Variants in FRS2 observed in about 807,000 individuals in gnomAD.
FRS2 encodes the protein fibroblast growth factor receptor substrate 2, also known as FGFR signalling adaptor.
FRS2 carries 8 observed loss-of-function variants against 43.9 expected under a neutral mutation model. The observed-to-expected ratio is 0.18, with a 90% CI of 0.11 to 0.33. The LOEUF is 0.33. Among genes scored for constraint, FRS2 ranks in the 10% least tolerant of loss-of-function variants. FRS2 has a pLI of 1.00. For missense variants in FRS2, 534 were observed against 627.6 expected (o/e 0.85, Z 1.59); for synonymous variants, 219 against 220.3 (o/e 0.99, Z 0.05).
At chr12:69,552,329 CAT>C (rs1160985467) in intron 3 of FRS2, among the ~76,000 whole-genome samples, 1 of 101,790 alleles carries the variant, frequency 9.8e-6, no homozygotes, top group African/African-American at 3.5e-5. Context: ...AAAAAAAAAT[CAT>C]GTCTCAGCTT....
chr12:69,513,949 T>G lies in FRS2; in HGVS notation c.-260-16916T>G, dbSNP rs114129556. ...TCACTTTCTAAATTAAGAAAATAATTATCTATAATTTATAAAAATAAAATT... is the reference window on the plus strand; with the variant it reads ...TCACTTTCTAAATTAAGAAAATAATGATCTATAATTTATAAAAATAAAATT... On this transcript the variant is annotated intron_variant, in intron 1 of 8. Transcript: ENST00000549921. 5.8e-3 allele frequency among the ~76,000 whole-genome samples: 876 copies of G among 152,276 alleles called. 9 individuals are homozygous for G. Among genetic ancestry groups the G allele is most frequent in the African/African-American group, 0.019 (794 of 41,562 alleles).
At chr12:69,539,703 A>G (rs1247453859) in intron 3 of FRS2, among the ~76,000 whole-genome samples, 1 of 152,044 alleles carries the variant, frequency 6.6e-6, no homozygotes, top group Non-Finnish European at 1.5e-5. Flanking sequence ...GAAATAGACA[A>G]GATCCACTTT....
intron 3 of FRS2, among the ~76,000 whole-genome samples, chr12:69,543,775 A>G (rs1312539021): frequency 6.6e-6 from 1 of 152,188 alleles, no homozygotes; most frequent in Non-Finnish European, 1.5e-5. Context: ...TGAGATAGGA[A>G]CATAATTAGT....
At chr12:69,538,574 A>AGTGTGTGTGGGGGTGGT (rs143194172) in intron 3 of FRS2, among the ~76,000 whole-genome samples, 1,780 of 151,226 alleles carry the variant, frequency 0.012, 55 homozygotes, top group African/African-American at 0.04. Context: ...TAAGGTAAGG[A>AGTGTGTGTGGGGGTGGT]GTGTGTGTGG....
At chr12:69,566,553 G>A (rs1224097632) in intron 4 of FRS2, among the ~76,000 whole-genome samples, 1 of 151,960 alleles carries the variant, frequency 6.6e-6, no homozygotes, top group East Asian at 1.9e-4. Flanking sequence ...ATTGCAGTGA[G>A]CCGAGATCAC....
Position 69,575,964 on chromosome 12 carries a change from AC to A in FRS2, c.*1010del, listed in dbSNP as rs1881164438. 1 of 152,658 alleles carries A rather than the reference AC, an allele frequency of 6.6e-6. No homozygotes were observed. The highest frequency in any genetic ancestry group is 1.5e-5 in the Non-Finnish European group (1 of 68,050). The allele number at this position is 152,658 out of a possible 1,614,324, so 9.5% of individuals were successfully genotyped here. ...GGTTTTGAAGGTTCATTTGGAACTTACTGTTAGTCTGTAACAGGGTTGCCCT... is the reference window on the plus strand; with the variant it reads ...GGTTTTGAAGGTTCATTTGGAACTTATGTTAGTCTGTAACAGGGTTGCCCT... On this transcript the variant is annotated 3_prime_UTR_variant, in exon 9 of 9. Transcript: ENST00000549921.
At chr12:69,538,197 T>TATATATA (rs1555189565) in intron 3 of FRS2, among the ~76,000 whole-genome samples, 67 of 81,618 alleles carry the variant, frequency 8.2e-4, no homozygotes, top group African/African-American at 3.5e-3. Context: ...AAAACAAATT[T>TATATATA]TATATATATA....
At chr12:69,572,664 G>A (rs1880862779) in intron 8 of FRS2, among the ~76,000 whole-genome samples, 1 of 152,218 alleles carries the variant, frequency 6.6e-6, no homozygotes, top group Non-Finnish European at 1.5e-5. Flanking sequence ...ATGTTATGGA[G>A]TTATTTAGTG....
chr12:69,547,915 A>G (rs960158570), intron 3 of FRS2, among the ~76,000 whole-genome samples: 1 of 142,118 alleles, frequency 7.0e-6, no homozygotes, highest in Non-Finnish European at 1.5e-5. Flanking sequence ...GTCATGGCTC[A>G]CACAGCCTCT....
chr12:69,487,458 C>T (rs221089), intron 1 of FRS2, among the ~76,000 whole-genome samples: 14,238 of 152,232 alleles, frequency 0.094, 879 homozygotes, highest in Non-Finnish European at 0.14. Flanking sequence ...CTCTTTACAG[C>T]ATGGTTTATT....
In FRS2 at chr12:69,506,383, CT is replaced by C. The variant is rs536261906; in HGVS notation, c.-260-24478del. On this transcript the variant is annotated intron_variant, in intron 1 of 8. Transcript: ENST00000549921. Reference sequence around the variant, plus strand: ...CTGGATCCTTCATAAGCTATAATTACTTTTAGTAGTCTCTTGAATTTATCCA... The same window carrying C: ...CTGGATCCTTCATAAGCTATAATTACTTTAGTAGTCTCTTGAATTTATCCA... Among the ~76,000 whole-genome samples the C allele has an allele frequency of 6.5e-3, 993 of 152,152 alleles. 11 individuals are homozygous for C. The highest frequency in any genetic ancestry group is 0.023 in the African/African-American group (956 of 41,506).
At chr12:69,490,026 A>T (rs1015311273) in intron 1 of FRS2, among the ~76,000 whole-genome samples, 1 of 152,080 alleles carries the variant, frequency 6.6e-6, no homozygotes, top group African/African-American at 2.4e-5. Context: ...AAACATACTG[A>T]TGTAGCAGTA....
At chr12:69,559,565 C>G (rs1879710354) in intron 3 of FRS2, among the ~76,000 whole-genome samples, 1 of 152,046 alleles carries the variant, frequency 6.6e-6, no homozygotes, top group Non-Finnish European at 1.5e-5. Context: ...TAGGTGTGTG[C>G]TTTAAATTTT....
At chr12:69,533,420 G>T (rs985458653) in intron 3 of FRS2, among the ~76,000 whole-genome samples, 4 of 151,982 alleles carry the variant, frequency 2.6e-5, no homozygotes, top group Non-Finnish European at 5.9e-5. Flanking sequence ...CGCGATCTTG[G>T]CTCACCACAG....
intron 1 of FRS2, among the ~76,000 whole-genome samples, chr12:69,495,197 T>C (rs1300304655): frequency 6.6e-6 from 1 of 152,246 alleles, no homozygotes; most frequent in Non-Finnish European, 1.5e-5. Flanking sequence ...ATTGTTTTTC[T>C]CATCCCAGAA....
intron 1 of FRS2, among the ~76,000 whole-genome samples, chr12:69,485,425 G>A (rs534651045): frequency 5.0e-4 from 76 of 151,994 alleles, no homozygotes; most frequent in Middle Eastern, 3.4e-3. Context: ...CTCGTGATCC[G>A]CCCGCCTCGA....
chr12:69,543,768 G>A (rs1013696848), intron 3 of FRS2, among the ~76,000 whole-genome samples: 3 of 152,190 alleles, frequency 2.0e-5, no homozygotes, highest in Admixed American at 6.5e-5. Context: ...AAGGACCTGA[G>A]ATAGGAACAT....
At chr12:69,563,281 G>A (rs1278796302) in intron 4 of FRS2, among the ~76,000 whole-genome samples, 2 of 152,110 alleles carry the variant, frequency 1.3e-5, no homozygotes, top group Non-Finnish European at 1.5e-5. Flanking sequence ...AATCAGATAT[G>A]TGGATGAAAA....
chr12:69,486,013 A>G (rs547408738), intron 1 of FRS2, among the ~76,000 whole-genome samples: 13 of 152,314 alleles, frequency 8.5e-5, no homozygotes, highest in African/African-American at 2.9e-4. Context: ...TTGTTTGTAG[A>G]TGGGTACTTT....
Sources: gnomAD v4.1 joint callset for allele counts (sites outside exome capture counted in the v4.1 genomes callset) on GRCh38, gnomAD v4.1.1 for gene constraint, MANE v1.5 for transcripts, NCBI Gene and HGNC (gene_info 2026-07-23, HGNC 2026-07-21) for gene names.